Variants in KCNIP1 observed in about 807,000 individuals in gnomAD.
KCNIP1 encodes potassium voltage-gated channel interacting protein 1.
KCNIP1 carries 18 observed loss-of-function variants against 33.0 expected under a neutral mutation model. That is an observed-to-expected ratio of 0.55 (90% CI 0.38 to 0.81). The LOEUF (loss-of-function observed/expected upper bound fraction) is 0.81, where lower values mean the gene tolerates loss of function less well. Among genes scored for constraint, KCNIP1 ranks in the 30% least tolerant of loss-of-function variants. KCNIP1 has a pLI of 0.00. For synonymous variants in KCNIP1, 93 were observed against 98.3 expected, an observed-to-expected ratio of 0.95 and a Z score of 0.32; for missense variants, 238 against 271.6, an observed-to-expected ratio of 0.88 and a Z score of 0.87.
chr5:170,487,383 A>G (rs1160875951), intron 1 of KCNIP1, among the ~76,000 whole-genome samples: 1 of 152,176 alleles, frequency 6.6e-6, no homozygotes, highest in African/African-American at 2.4e-5. Context: ...ACTGGGTACT[A>G]TGGCCTAGGC....
chr5:170,619,150 A>C (rs1041905525), intron 1 of KCNIP1, among the ~76,000 whole-genome samples: 1 of 152,238 alleles, frequency 6.6e-6, no homozygotes. Context: ...CCCTGTATCA[A>C]TGAAAGAATC....
At chr5:170,600,485 T>A (rs1385300316) in intron 1 of KCNIP1, among the ~76,000 whole-genome samples, 3 of 152,122 alleles carry the variant, frequency 2.0e-5, no homozygotes, top group African/African-American at 4.8e-5. Flanking sequence ...CCCAACCCCA[T>A]CAGGCCACGT....
intron 1 of KCNIP1, among the ~76,000 whole-genome samples, chr5:170,426,896 A>T (rs866050709): frequency 6.6e-6 from 1 of 152,146 alleles, no homozygotes. Context: ...CCAGATAAAA[A>T]CCACCCCATG....
chr5:170,504,630 AAAGGT>A lies in KCNIP1; in HGVS notation c.61+1_61+5del. ...GCAAACCAAACAAAGGCGACCCTCG[AAAGGT>A]AAGCCACCTTCTTCCTTTTGTTCCC... On this transcript the variant is annotated splice_donor_variant and coding_sequence_variant, in exon 1 of 8. Transcript: ENST00000328939. LOFTEE classifies it high-confidence loss of function. This position sits in a 1 kb window ranked among gnomAD's most constrained non-coding sequence, Gnocchi z 6.0. The A allele has an allele frequency of 6.2e-7, 1 of 1,613,294 alleles. No homozygotes were observed. Among genetic ancestry groups the A allele is most frequent in the Non-Finnish European group, 8.5e-7 (1 of 1,179,488 alleles).
intron 1 of KCNIP1, among the ~76,000 whole-genome samples, chr5:170,526,146 G>A (rs1280771829): frequency 1.3e-5 from 2 of 152,176 alleles, no homozygotes; most frequent in African/African-American, 2.4e-5. Context: ...CCTTGCACTT[G>A]TGTGACCTGG....
intron 1 of KCNIP1, among the ~76,000 whole-genome samples, chr5:170,592,593 G>A (rs1758300371): frequency 6.6e-6 from 1 of 152,184 alleles, no homozygotes; most frequent in Non-Finnish European, 1.5e-5. Flanking sequence ...TGAAATCAGA[G>A]ACTACTTCTC....
chr5:170,454,127 C>T (rs911444216), intron 1 of KCNIP1, among the ~76,000 whole-genome samples: 17 of 152,236 alleles, frequency 1.1e-4, no homozygotes, highest in Admixed American at 7.9e-4. Flanking sequence ...AATCCATTCA[C>T]AGGAAAGCAA....
chr5:170,370,166 T>C (rs1763806367), intron 1 of KCNIP1, among the ~76,000 whole-genome samples: 1 of 152,120 alleles, frequency 6.6e-6, no homozygotes, highest in Non-Finnish European at 1.5e-5. Flanking sequence ...AAGTTGCTAG[T>C]AAGAAAAAGA....
chr5:170,551,619 T>C (rs1414970492), intron 1 of KCNIP1, among the ~76,000 whole-genome samples: 2 of 148,046 alleles, frequency 1.4e-5, no homozygotes, highest in African/African-American at 5.1e-5. Context: ...CCAAGGTAGC[T>C]GTGTGTGTGT....
rs918548309 is a variant in KCNIP1 at position 170,504,781 on chromosome 5, G to A, written c.61+148G>A. 1.0e-5 allele frequency: 7 copies of A among 699,814 alleles called. No individual in the cohort carries two copies. Among genetic ancestry groups the A allele is most frequent in the Non-Finnish European group, 7.3e-6 (3 of 411,200 alleles). 43.4% of individuals were successfully genotyped at this position (699,814 alleles called of 1,614,324 possible). A position where few individuals can be genotyped will look rare whatever the true frequency, so the allele number is the denominator to read the frequency against. Reference sequence around the variant, plus strand: ...CTTGTATCCAAAGGAGAGAGAAATCGGCGGGAGGGCTGGTGTGAACACCCA... The same window carrying A: ...CTTGTATCCAAAGGAGAGAGAAATCAGCGGGAGGGCTGGTGTGAACACCCA... On this transcript the variant is annotated intron_variant, in intron 1 of 7. Transcript: ENST00000328939. This position sits in a 1 kb window ranked among gnomAD's most constrained non-coding sequence, Gnocchi z 6.0.
In KCNIP1 at chr5:170,625,049, T is replaced by A. The variant is rs1296048386; in HGVS notation, c.62-93709T>A. On this transcript the variant is annotated intron_variant, in intron 1 of 7. Transcript: ENST00000328939. ...CAGATGGATGCCCTCGTGAGCTGAGTTTTGATGAACATCCCATGTCCCCAG... is the reference window on the plus strand; with the variant it reads ...CAGATGGATGCCCTCGTGAGCTGAGATTTGATGAACATCCCATGTCCCCAG... Among the ~76,000 whole-genome samples, 3 of 151,766 alleles carry A rather than the reference T, an allele frequency of 2.0e-5. No individual in the cohort carries two copies. The East Asian group carries it at 5.9e-4, about 30-fold the overall frequency.
chr5:170,693,605 G>T (rs1036796556), intron 1 of KCNIP1, among the ~76,000 whole-genome samples: 1 of 152,112 alleles, frequency 6.6e-6, no homozygotes, highest in Non-Finnish European at 1.5e-5. Flanking sequence ...TGCCTTTACC[G>T]AATCAAACAC....
At chr5:170,496,464 CCTTAGCTGCCTCAT>C (rs1757313000) in intron 1 of KCNIP1, among the ~76,000 whole-genome samples, 1 of 152,176 alleles carries the variant, frequency 6.6e-6, no homozygotes. Context: ...CCTCTCTGTG[CCTTAGCTGCCTCAT>C]CTATAAAACA....
At chr5:170,715,096 C>T (rs1490792028) in intron 1 of KCNIP1, among the ~76,000 whole-genome samples, 1 of 152,050 alleles carries the variant, frequency 6.6e-6, no homozygotes, top group Admixed American at 6.6e-5. Context: ...TTTTATTGTA[C>T]CTTCTCTAAA....
At chr5:170,465,621 G>C (rs927498169) in intron 1 of KCNIP1, among the ~76,000 whole-genome samples, 2 of 152,028 alleles carry the variant, frequency 1.3e-5, no homozygotes, top group African/African-American at 2.4e-5. Flanking sequence ...CCTTCATCAC[G>C]CACACACACA....
chr5:170,693,292 G>A (rs562476064), intron 1 of KCNIP1, among the ~76,000 whole-genome samples: 1 of 152,092 alleles, frequency 6.6e-6, no homozygotes, highest in Non-Finnish European at 1.5e-5. Flanking sequence ...GATGGAGCCA[G>A]GCTGACACCA....
chr5:170,577,384 C>A (rs1290363946), intron 1 of KCNIP1, among the ~76,000 whole-genome samples: 1 of 152,156 alleles, frequency 6.6e-6, no homozygotes, highest in Non-Finnish European at 1.5e-5. Flanking sequence ...TGCTATGTGG[C>A]GAACATCTGT....
intron 1 of KCNIP1, among the ~76,000 whole-genome samples, chr5:170,557,642 C>A (rs186234872): frequency 1.1e-4 from 17 of 152,284 alleles, no homozygotes; most frequent in Middle Eastern, 3.4e-3. Flanking sequence ...CCTATTTGAG[C>A]CACATGACCA....
intron 1 of KCNIP1, chr5:170,383,948 G>C: frequency 1.6e-6 from 2 of 1,278,922 alleles, no homozygotes; most frequent in Non-Finnish European, 2.2e-6. Flanking sequence ...CCTCTAGAGG[G>C]ATCCAGGACT....
Sources: allele counts gnomAD v4.1 joint callset (sites outside exome capture counted in the v4.1 genomes callset), GRCh38; gene constraint gnomAD v4.1.1; non-coding constraint Gnocchi (gnomAD v3.1); transcripts MANE v1.5; gene names NCBI Gene and HGNC (gene_info 2026-07-23, HGNC 2026-07-21).